Variants in GABRA5 observed in about 807,000 individuals in gnomAD.
The protein encoded by GABRA5 is gamma-aminobutyric acid type A receptor subunit alpha5.
Under a neutral mutation model 47.3 loss-of-function variants are expected in GABRA5, and 18 were observed. That is an observed-to-expected ratio of 0.38 (90% CI 0.26 to 0.56). The LOEUF is 0.56. GABRA5 is among the 20% of genes least tolerant of loss of function. The pLI, the probability that GABRA5 is intolerant of heterozygous loss-of-function variation, is 0.71. For missense variants in GABRA5, 365 were observed against 599.3 expected, an observed-to-expected ratio of 0.61 and a Z score of 4.08; for synonymous variants, 237 against 229.3, an observed-to-expected ratio of 1.03 and a Z score of -0.30.
At chr15:26,920,385 G>T (rs1313513686) in intron 7 of GABRA5, among the ~76,000 whole-genome samples, 1 of 151,736 alleles carries the variant, frequency 6.6e-6, no homozygotes, top group African/African-American at 2.4e-5. Flanking sequence ...GATCTAGTCT[G>T]CTGTTGAATC....
intron 6 of GABRA5, among the ~76,000 whole-genome samples, chr15:26,906,644 A>C (rs1003348323): frequency 6.6e-6 from 1 of 152,134 alleles, no homozygotes; most frequent in Non-Finnish European, 1.5e-5. Context: ...TTTGAATTTT[A>C]TTGTGAGAAA....
chr15:26,876,052 A>G (rs1892589983), intron 3 of GABRA5, among the ~76,000 whole-genome samples: 1 of 152,118 alleles, frequency 6.6e-6, no homozygotes, highest in South Asian at 2.1e-4. Flanking sequence ...TGTGGGCATG[A>G]AGGAAAGAGA....
At chr15:26,876,196 G>A (rs1445305081) in intron 3 of GABRA5, among the ~76,000 whole-genome samples, 2 of 152,212 alleles carry the variant, frequency 1.3e-5, no homozygotes, top group African/African-American at 4.8e-5. Context: ...TGCAGTGGTG[G>A]TGTGGGAAGC....
At chr15:26,876,072 G>C (rs1892590312) in intron 3 of GABRA5, among the ~76,000 whole-genome samples, 1 of 152,120 alleles carries the variant, frequency 6.6e-6, no homozygotes, top group African/African-American at 2.4e-5. Context: ...AGAAGTCAGG[G>C]ATGACCCCTA....
intron 7 of GABRA5, among the ~76,000 whole-genome samples, chr15:26,925,876 G>A (rs1893949528): frequency 6.6e-6 from 1 of 152,310 alleles, no homozygotes; most frequent in African/African-American, 2.4e-5. Context: ...TGAAACACAG[G>A]TGGTTCTCGC....
intron 7 of GABRA5, among the ~76,000 whole-genome samples, chr15:26,923,026 A>C (rs1893879000): frequency 6.6e-6 from 1 of 152,102 alleles, no homozygotes; most frequent in Admixed American, 6.6e-5. Flanking sequence ...ATGTCCCTTT[A>C]CCTTTCCCTA....
intron 9 of GABRA5, 109 bp downstream of exon 9, chr15:26,940,186 G>C: frequency 2.3e-6 from 2 of 886,304 alleles, no homozygotes; most frequent in Non-Finnish European, 3.5e-6. Flanking sequence ...CCTCTTTGTT[G>C]TGTGACCTGG....
intron 3 of GABRA5, 55 bp from the exon 4 acceptor site, chr15:26,880,791 G>T: frequency 1.3e-6 from 2 of 1,585,018 alleles, no homozygotes; most frequent in Non-Finnish European, 1.7e-6. Context: ...ATCTTGAGAA[G>T]AATTTGTAAG....
intron 7 of GABRA5, among the ~76,000 whole-genome samples, chr15:26,928,206 G>T (rs1894005878): frequency 6.6e-6 from 1 of 152,180 alleles, no homozygotes; most frequent in African/African-American, 2.4e-5. Context: ...GAAATGAGGG[G>T]TGAATTTCAC....
intron 7 of GABRA5, among the ~76,000 whole-genome samples, chr15:26,922,905 C>T (rs1237161056): frequency 6.6e-6 from 1 of 152,136 alleles, no homozygotes; most frequent in Non-Finnish European, 1.5e-5. Flanking sequence ...GGATTATAGG[C>T]ATGAGCCACT....
chr15:26,942,606 C>T (rs190484035), intron 9 of GABRA5, among the ~76,000 whole-genome samples: 16 of 152,278 alleles, frequency 1.1e-4, no homozygotes, highest in African/African-American at 2.4e-4. Context: ...GCTGCAGAAT[C>T]GTATCACTCA....
chr15:26,930,116 G>T (rs561677921), intron 7 of GABRA5, among the ~76,000 whole-genome samples: 3 of 150,946 alleles, frequency 2.0e-5, no homozygotes, highest in Middle Eastern at 3.4e-3. Flanking sequence ...GGGTTCAAGC[G>T]ATTCTCCTGC....
At chr15:26,903,252 C>T (rs1893366282) in intron 6 of GABRA5, among the ~76,000 whole-genome samples, 1 of 152,060 alleles carries the variant, frequency 6.6e-6, no homozygotes, top group Non-Finnish European at 1.5e-5. Flanking sequence ...AGGATAATGA[C>T]CTCCAGCTCC....
At chr15:26,898,106 G>A (rs187398484) in intron 6 of GABRA5, among the ~76,000 whole-genome samples, 4 of 152,246 alleles carry the variant, frequency 2.6e-5, no homozygotes, top group African/African-American at 7.2e-5. Flanking sequence ...ATTTTGAAAC[G>A]TGCACTGGAA....
At chr15:26,898,965 GGCTC>G (rs1566873035) in intron 6 of GABRA5, among the ~76,000 whole-genome samples, 6 of 151,836 alleles carry the variant, frequency 4.0e-5, no homozygotes, top group African/African-American at 1.5e-4. Flanking sequence ...TGAACTCCTG[GGCTC>G]AAGTGATCCT....
At chr15:26,869,135 A>AT in intron 2 of GABRA5, 40 bp from the exon 3 acceptor site, 1 of 722,738 alleles carries the variant, frequency 1.4e-6, no homozygotes, top group Non-Finnish European at 2.6e-6. Flanking sequence ...ACACAACAGC[A>AT]TTGATGTTCA....
intron 7 of GABRA5, among the ~76,000 whole-genome samples, chr15:26,920,288 TTTCTC>T: frequency 6.6e-6 from 1 of 152,136 alleles, no homozygotes. Flanking sequence ...TAAGCTTTCT[TTTCTC>T]TTCTTCATTC....
chr15:26,872,199 A>G (rs1335286674), intron 3 of GABRA5, among the ~76,000 whole-genome samples: 2 of 152,200 alleles, frequency 1.3e-5, no homozygotes, highest in African/African-American at 2.4e-5. Context: ...ATTTCCTAAT[A>G]TTTAGTTAAC....
At chr15:26,870,900 A>T (rs1892452993) in intron 3 of GABRA5, among the ~76,000 whole-genome samples, 1 of 152,244 alleles carries the variant, frequency 6.6e-6, no homozygotes, top group East Asian at 1.9e-4. Flanking sequence ...TCTTTAAAAT[A>T]TCTTGGCTAG....
Sources: allele counts gnomAD v4.1 joint callset (sites outside exome capture counted in the v4.1 genomes callset), GRCh38; gene constraint gnomAD v4.1.1; transcripts MANE v1.5; gene names NCBI Gene and HGNC (gene_info 2026-07-23, HGNC 2026-07-21).